Variants in PRODH2 observed in about 807,000 individuals in gnomAD.
The protein encoded by PRODH2 is proline dehydrogenase 2, also known as hydroxyproline dehydrogenase.
In PRODH2, 49 loss-of-function variants were observed where a neutral mutation model predicts 51.9. The observed-to-expected ratio is 0.94, with a 90% CI of 0.75 to 1.20. The LOEUF is 1.20. PRODH2 is among the 50% of genes most tolerant of loss of function. The pLI is 0.00. For synonymous variants in PRODH2, 249 were observed against 260.7 expected (o/e 0.96, Z 0.43); for missense variants, 597 against 610.9 (o/e 0.98, Z 0.24).
chr19:35,800,652 G>A (rs530332634), intron 9 of PRODH2, among the ~76,000 whole-genome samples: 1 of 152,068 alleles, frequency 6.6e-6, no homozygotes, highest in South Asian at 2.1e-4. Flanking sequence ...AAGTGAGTTG[G>A]ATAAAATTTC....
chr19:35,812,498 G>A lies in PRODH2; in HGVS notation c.233C>T (p.Ala78Val), dbSNP rs746889797. 77 of 1,614,114 alleles carry A rather than the reference G, an allele frequency of 4.8e-5. No homozygotes were observed. Among genetic ancestry groups the A allele is most frequent in the Non-Finnish European group, 6.3e-5 (74 of 1,180,042 alleles). ...AGCCACAAACTGCCCATAGACGGAT[G>A]CTCGGAGAAATGCGCCTGAGAGCCG... is the stretch of plus-strand genomic sequence containing the variant. ...GSRLSGAFLR[A>V]SVYGQFVAGE... Residue 78 changes from alanine (A) to valine (V), a missense_variant, in exon 2 of 10, where the codon GCA (alanine) becomes GTA (valine). Transcript: ENST00000653904.
Position 35,812,837 on chromosome 19 carries a change from A to G in PRODH2, c.-32T>C. 1.9e-6 allele frequency: 3 copies of G among 1,553,532 alleles called. No individual in the cohort carries two copies. Among genetic ancestry groups the G allele is most frequent in the Non-Finnish European group, 2.6e-6 (3 of 1,146,744 alleles). The stretch of plus-strand genomic sequence containing the variant: ...TCCCTGGCTGCCTCCACACCAGGGA[A>G]GGTTCTCTGGAGGCAGCAAGTTCAC... On this transcript the variant is annotated 5_prime_UTR_variant, in exon 1 of 10. Transcript: ENST00000653904.
In PRODH2 at chr19:35,812,653, T is replaced by C. The variant is rs1972634748; in HGVS notation, c.153A>G (p.Pro51=). The C allele has an allele frequency of 1.3e-6, 2 of 1,593,214 alleles. No individual in the cohort carries two copies. Among genetic ancestry groups the C allele is most frequent in the South Asian group, 2.3e-5 (2 of 88,556 alleles). The stretch of plus-strand genomic sequence containing the variant: ...TCACCAACAGCCCGTGAGTGACGAG[T>C]GGGGGCCAGGCACACAGCCGGAGAA... ...LLVLRLCAWP[P]LVTHGLLLQA... Residue 51 remains proline, a synonymous_variant, in exon 1 of 10, where the codon CCA becomes CCG. Transcript: ENST00000653904.
At chr19:35,807,463 C>G (rs564946027) in intron 4 of PRODH2, among the ~76,000 whole-genome samples, 138 of 151,896 alleles carry the variant, frequency 9.1e-4, no homozygotes, top group African/African-American at 2.8e-3. Context: ...CCACCATGCC[C>G]GGCTAATATT....
In PRODH2 at chr19:35,807,027, G is replaced by A; in HGVS notation, c.678+14C>T. 1 of 1,549,098 alleles carries A rather than the reference G, an allele frequency of 6.5e-7. No individual in the cohort carries two copies. Among genetic ancestry groups the A allele is most frequent in the South Asian group, 1.2e-5 (1 of 84,008 alleles). On this transcript the variant is annotated intron_variant, in intron 5 of 9. Transcript: ENST00000653904. ...GGGAGGCCCGGAGGTGCTGGTTCCA[G>A]CAGGAGGGGTTACCTGTGCCACCCG...
intron 4 of PRODH2, among the ~76,000 whole-genome samples, chr19:35,808,042 T>C (rs937830057): frequency 2.0e-5 from 3 of 152,210 alleles, no homozygotes; most frequent in Admixed American, 6.5e-5. Context: ...TCCAAAGTGC[T>C]GGGATTCTGA....
At chr19:35,810,869 G>T (rs2146789308) in intron 4 of PRODH2, among the ~76,000 whole-genome samples, 1 of 152,236 alleles carries the variant, frequency 6.6e-6, no homozygotes, top group South Asian at 2.1e-4. Context: ...GTGTGTATTG[G>T]TTAAGGTTCA....
Position 35,803,076 on chromosome 19 carries a change from T to C in PRODH2, c.1004A>G (p.Tyr335Cys), listed in dbSNP as rs76309009. ...QPDYEATSQSYSRCLELMLTH... is the reference protein window; with the variant it reads ...QPDYEATSQSCSRCLELMLTH... ...CAGCATCAGTTCCAGGCAGCGGCTG[T>C]AACTGAAGGGAGATGCTCTGTTCAG... The change falls in exon 8 of 10, where the codon TAC (tyrosine) becomes TGC (cysteine). Residue 335 changes from tyrosine to cysteine, a missense_variant and splice_region_variant. By Grantham distance (194) the Tyr-to-Cys change is radical. Coordinates refer to ENST00000653904, the MANE Select transcript of PRODH2 (RefSeq NM_021232.2). 1.3e-6 allele frequency: 2 copies of C among 1,533,252 alleles called. No individual in the cohort carries two copies. Among genetic ancestry groups the C allele is most frequent in the African/African-American group, 2.7e-5 (2 of 73,342 alleles). The allele number at this position is 1,533,252 out of a possible 1,614,324, so 95.0% of individuals were successfully genotyped here.
rs1311571905 is a variant in PRODH2 at position 35,800,204 on chromosome 19, A to G, written c.1217T>C (p.Val406Ala). Residue 406 changes from valine (V) to alanine (A), a missense_variant, in exon 10 of 10, where the codon GTG becomes GCG. Transcript: ENST00000653904. Reference protein sequence around the residue: ...SLALGQAGYVVYKSIPYGSLE... With the variant: ...SLALGQAGYVAYKSIPYGSLE... ...GGAGCCATAGGGAATGGACTTATAC[A>G]CTACATAGCCGGCCTGCCCTGCAGG... is the stretch of plus-strand genomic sequence containing the variant. 5 of 1,586,238 alleles carry G rather than the reference A, an allele frequency of 3.2e-6. No individual in the cohort carries two copies. In the African/African-American group the frequency reaches 4.1e-5, roughly 13 times the overall value.
At chr19:35,802,897 T>A in intron 8 of PRODH2, 71 bp downstream of exon 8, 4 of 1,138,932 alleles carry the variant, frequency 3.5e-6, no homozygotes, top group Non-Finnish European at 5.0e-6. Context: ...ATCTCTGGCA[T>A]TTGAGCAAAG....
chr19:35,805,971 G>A (rs1972504588), intron 7 of PRODH2, among the ~76,000 whole-genome samples: 1 of 152,264 alleles, frequency 6.6e-6, no homozygotes, highest in South Asian at 2.1e-4. Flanking sequence ...CAGTGTGGCT[G>A]TAGTGGAGTG....
At chr19:35,804,216 C>A (rs1463607162) in intron 7 of PRODH2, among the ~76,000 whole-genome samples, 2 of 152,166 alleles carry the variant, frequency 1.3e-5, no homozygotes, top group Non-Finnish European at 1.5e-5. Flanking sequence ...GAGACTGGGT[C>A]TCACTCTGTT....
rs536725411 is a variant in PRODH2 at position 35,811,440 on chromosome 19, A to AAAGG, written c.597+518_597+521dup. On this transcript the variant is annotated intron_variant, in intron 4 of 9. Coordinates refer to ENST00000653904, the MANE Select transcript of PRODH2 (RefSeq NM_021232.2). The stretch of plus-strand genomic sequence containing the variant: ...AGAGAGAAGGAAGGAAGGAAGGAAT[A>AAAGG]AAGGAAGGAAGGAAGGAAGGGAGGG... 7.1e-3 allele frequency among the ~76,000 whole-genome samples: 643 copies of AAAGG among 91,152 alleles called. 3 individuals carry two copies. Among genetic ancestry groups the AAAGG allele is most frequent in the Non-Finnish European group, 0.01 (468 of 45,744 alleles). 59.8% of individuals were successfully genotyped at this position (91,152 alleles called of 152,430 possible). A position where few individuals can be genotyped will look rare whatever the true frequency, so the allele number is the denominator to read the frequency against.
intron 8 of PRODH2, 67 bp from the exon 9 acceptor site, chr19:35,802,343 G>GC: frequency 7.4e-7 from 1 of 1,342,622 alleles, no homozygotes; most frequent in Non-Finnish European, 1.1e-6. Context: ...CAGCCACTAT[G>GC]CACCCATATG....
rs776183593 is a variant in PRODH2, at chr19:35,812,690, C to G, written c.116G>C (p.Arg39Pro). The change falls in exon 1 of 10, where the codon CGG becomes CCG. Residue 39 changes from arginine (R) to proline (P), a missense_variant. Transcript: ENST00000653904. ...ACACAGCCGGAGAACCAGCAAGGCC[C>G]GTGTCAGCTCTCCTGTGCCCTTAAG... Reference protein sequence around the residue: ...FHLKGTGELTRALLVLRLCAW... With the variant: ...FHLKGTGELTPALLVLRLCAW... 6.2e-7 allele frequency: 1 copy of G among 1,608,238 alleles called. No individual in the cohort carries two copies. The highest frequency in any genetic ancestry group is 8.5e-7 in the Non-Finnish European group (1 of 1,176,112).
chr19:35,811,933 TC>T, intron 4 of PRODH2, 28 bp downstream of exon 4: 3 of 1,607,640 alleles, frequency 1.9e-6, no homozygotes, highest in Non-Finnish European at 2.6e-6. Flanking sequence ...AGGCACTCTG[TC>T]CCCGACAGTC....
chr19:35,802,979 C>T lies in PRODH2; in HGVS notation c.1101G>A (p.Gln367=). The T allele has an allele frequency of 1.3e-6, 2 of 1,560,178 alleles. No homozygotes were observed. Among genetic ancestry groups the T allele is most frequent in the Non-Finnish European group, 1.7e-6 (2 of 1,146,706 alleles). ...CCTCCACCTCATACCGCTTGGTTGC[C>T]TGGCGAACAGATTCCTCATTGTGGG... ...VASHNEESVR[Q]ATKRMWELGI... Residue 367 remains glutamine (Q), a synonymous_variant, in exon 8 of 10, where the codon CAG becomes CAA. Transcript: ENST00000653904.
chr19:35,803,086 G>C lies in PRODH2; in HGVS notation c.1002-8C>G. On this transcript the variant is annotated splice_region_variant and splice_polypyrimidine_tract_variant and intron_variant, in intron 7 of 9. Coordinates refer to ENST00000653904, the MANE Select transcript of PRODH2 (RefSeq NM_021232.2). ...TCCAGGCAGCGGCTGTAACTGAAGG[G>C]AGATGCTCTGTTCAGCTCACCTGGT... 6.6e-7 allele frequency: 1 copy of C among 1,525,762 alleles called. No homozygotes were observed. Among genetic ancestry groups the C allele is most frequent in the Non-Finnish European group, 8.9e-7 (1 of 1,125,730 alleles). The allele number at this position is 1,525,762 out of a possible 1,614,324, so 94.5% of individuals were successfully genotyped here.
chr19:35,806,572 C>A lies in PRODH2; in HGVS notation c.859G>T (p.Asp287Tyr). The stretch of plus-strand genomic sequence containing the variant: ...CCGGCCCTGTGCGCAGCCTCTGCAT[C>A]CCTCCCCAGCCGCTCGAATGTGTCC... ...LKDTFERLGRDAEAAHRAGLA... is the reference protein window; with the variant it reads ...LKDTFERLGRYAEAAHRAGLA... The change falls in exon 7 of 10, where the codon GAT becomes TAT. Residue 287 changes from aspartate (D) to tyrosine (Y), a missense_variant. Coordinates refer to ENST00000653904, the MANE Select transcript of PRODH2 (RefSeq NM_021232.2). The A allele has an allele frequency of 1.9e-6, 3 of 1,614,116 alleles. No homozygotes were observed. Among genetic ancestry groups the A allele is most frequent in the Non-Finnish European group, 1.7e-6 (2 of 1,180,020 alleles).
Sources: gnomAD v4.1 joint callset for allele counts (sites outside exome capture counted in the v4.1 genomes callset) on GRCh38, gnomAD v4.1.1 for gene constraint, MANE v1.5 for transcripts, NCBI Gene and HGNC (gene_info 2026-07-23, HGNC 2026-07-21) for gene names.